WWOX: variants seen among roughly 807,000 people sequenced by gnomAD.
WWOX encodes the protein WW domain-containing oxidoreductase.
A neutral mutation model predicts 46.2 loss-of-function variants in WWOX; 69 were observed. The observed-to-expected ratio is 1.49, with a 90% CI of 1.23 to 1.82. The LOEUF (loss-of-function observed/expected upper bound fraction) is 1.82. Ranked by LOEUF, WWOX falls within the 40% of genes most tolerant of loss-of-function variation. The pLI is 0.00. For missense variants in WWOX, 919 were observed against 542.6 expected (o/e 1.69, Z -6.89); for synonymous variants, 359 against 202.6 (o/e 1.77, Z -6.56).
intron 8 of WWOX, among the ~76,000 whole-genome samples, chr16:78,636,231 C>A (rs1419358778): frequency 6.6e-6 from 1 of 152,062 alleles, no homozygotes; most frequent in South Asian, 2.1e-4. Context: ...CTTTGATAGT[C>A]CCAAATGCAA....
chr16:79,057,056 G>C (rs1406880211), intron 8 of WWOX, among the ~76,000 whole-genome samples: 1 of 152,230 alleles, frequency 6.6e-6, no homozygotes, highest in Non-Finnish European at 1.5e-5. Context: ...CACCAGAAGT[G>C]ATTTTGCCGC....
chr16:79,043,913 C>G (rs1051479208), intron 8 of WWOX, among the ~76,000 whole-genome samples: 1 of 152,190 alleles, frequency 6.6e-6, no homozygotes, highest in Non-Finnish European at 1.5e-5. Context: ...CCAGGGCTGC[C>G]GCTCATTCAC....
chr16:78,795,022 A>G (rs575300996), intron 8 of WWOX, among the ~76,000 whole-genome samples: 2 of 152,242 alleles, frequency 1.3e-5, no homozygotes, highest in East Asian at 3.9e-4. Context: ...CTTAACACTG[A>G]TCTTTGAGCT....
chr16:78,528,330 C>G (rs116822961), intron 8 of WWOX, among the ~76,000 whole-genome samples: 2 of 151,372 alleles, frequency 1.3e-5, no homozygotes, highest in Admixed American at 6.6e-5. Flanking sequence ...GGTATTCTAA[C>G]CCAGTCTAGT....
intron 8 of WWOX, among the ~76,000 whole-genome samples, chr16:78,684,588 G>A (rs1340979383): frequency 6.6e-6 from 1 of 152,170 alleles, no homozygotes; most frequent in Non-Finnish European, 1.5e-5. Flanking sequence ...TCCCTGGGGT[G>A]GAGAAGCCAT....
At chr16:78,629,460 C>G (rs1236061380) in intron 8 of WWOX, among the ~76,000 whole-genome samples, 2 of 152,214 alleles carry the variant, frequency 1.3e-5, no homozygotes, top group Admixed American at 1.3e-4. Flanking sequence ...GGAGTCATTT[C>G]TCTAAAATAG....
chr16:78,940,505 C>G (rs1018840127), intron 8 of WWOX, among the ~76,000 whole-genome samples: 1 of 152,114 alleles, frequency 6.6e-6, no homozygotes, highest in African/African-American at 2.4e-5. Context: ...CTTTCGAAGT[C>G]ACATTTTTAC....
At chr16:79,050,617 C>T (rs927393868) in intron 8 of WWOX, among the ~76,000 whole-genome samples, 1 of 152,186 alleles carries the variant, frequency 6.6e-6, no homozygotes, top group Non-Finnish European at 1.5e-5. Flanking sequence ...CCCAAGACTG[C>T]ACTTGTATTT....
At chr16:78,611,728 G>C (rs2045905050) in intron 8 of WWOX, among the ~76,000 whole-genome samples, 1 of 152,170 alleles carries the variant, frequency 6.6e-6, no homozygotes. Flanking sequence ...TCTCACTTAT[G>C]GTGCATGTCG....
At chr16:79,163,254 A>T (rs1384931183) in intron 8 of WWOX, among the ~76,000 whole-genome samples, 1 of 152,196 alleles carries the variant, frequency 6.6e-6, no homozygotes, top group Non-Finnish European at 1.5e-5. Context: ...GACCAGAGAA[A>T]GAGAAAAGAA....
intron 8 of WWOX, among the ~76,000 whole-genome samples, chr16:78,489,626 T>A (rs1004015812): frequency 2.0e-5 from 3 of 152,184 alleles, no homozygotes; most frequent in Admixed American, 2.0e-4. Flanking sequence ...TCTAACTCTA[T>A]TTCTTTGTGA....
chr16:79,191,016 A>C (rs1253216223), intron 8 of WWOX, among the ~76,000 whole-genome samples: 2 of 152,196 alleles, frequency 1.3e-5, no homozygotes, highest in Non-Finnish European at 2.9e-5. Context: ...GATGCTGGGA[A>C]GATGAGCAAA....
At chr16:79,121,423 A>G (rs1465124132) in intron 8 of WWOX, among the ~76,000 whole-genome samples, 3 of 152,204 alleles carry the variant, frequency 2.0e-5, no homozygotes, top group Non-Finnish European at 4.4e-5. Context: ...TGTTTTACTT[A>G]TGGCCAGTAG....
chr16:78,767,999 A>T (rs1006614862), intron 8 of WWOX, among the ~76,000 whole-genome samples: 7 of 152,070 alleles, frequency 4.6e-5, no homozygotes, highest in Non-Finnish European at 1.0e-4. Flanking sequence ...AGGTAAAAAG[A>T]AAACGGTAAT....
At chr16:79,056,608 C>G (rs2150539065) in intron 8 of WWOX, among the ~76,000 whole-genome samples, 1 of 152,282 alleles carries the variant, frequency 6.6e-6, no homozygotes, top group African/African-American at 2.4e-5. Context: ...CATCCCTGGC[C>G]TCTACCCACT....
chr16:78,656,091 A>G (rs753116864), intron 8 of WWOX, among the ~76,000 whole-genome samples: 6 of 152,206 alleles, frequency 3.9e-5, no homozygotes, highest in Non-Finnish European at 8.8e-5. Context: ...GCTTCAGTAC[A>G]GTATGGGATG....
At chr16:79,134,631 A>G (rs1279444795) in intron 8 of WWOX, among the ~76,000 whole-genome samples, 1 of 152,214 alleles carries the variant, frequency 6.6e-6, no homozygotes, top group Non-Finnish European at 1.5e-5. Context: ...CCACACATAC[A>G]GACACACACA....
intron 8 of WWOX, among the ~76,000 whole-genome samples, chr16:78,475,433 T>C (rs1307950195): frequency 2.6e-5 from 4 of 152,198 alleles, no homozygotes; most frequent in Admixed American, 1.3e-4. Flanking sequence ...TTAGTTTTTT[T>C]CCCAGAGTTT....
chr16:79,039,001 G>T (rs1324183508), intron 8 of WWOX, among the ~76,000 whole-genome samples: 1 of 151,984 alleles, frequency 6.6e-6, no homozygotes, highest in Non-Finnish European at 1.5e-5. Flanking sequence ...TGCCACAAAT[G>T]GGAGTTTTAA....
Sources: gnomAD v4.1 joint callset for allele counts (sites outside exome capture counted in the v4.1 genomes callset) on GRCh38, gnomAD v4.1.1 for gene constraint, MANE v1.5 for transcripts, NCBI Gene and HGNC (gene_info 2026-07-23, HGNC 2026-07-21) for gene names.